Variants in EPHA3 observed in about 807,000 individuals in gnomAD.
EPHA3 encodes EPH receptor A3.
EPHA3 carries 42 observed loss-of-function variants against 107.1 expected under a neutral mutation model. The ratio of observed to expected loss-of-function variants is 0.39; its 90% CI spans 0.31 to 0.51. EPHA3 has a LOEUF of 0.51. Ranked by LOEUF, EPHA3 falls within the 20% of genes least tolerant of loss-of-function variation. EPHA3 has a pLI of 0.78. For synonymous variants in EPHA3, 461 were observed against 424.8 expected (o/e 1.09, Z -1.05); for missense variants, 1,183 against 1,211.2 (o/e 0.98, Z 0.35).
chr3:89,340,419 G>T (rs2107416111), intron 3 of EPHA3, among the ~76,000 whole-genome samples: 1 of 152,292 alleles, frequency 6.6e-6, no homozygotes, highest in Non-Finnish European at 1.5e-5. Flanking sequence ...TATTTATCAA[G>T]AATCTTAAAA....
At chr3:89,111,509 C>CA (rs1308127020) in intron 1 of EPHA3, among the ~76,000 whole-genome samples, 1 of 58,926 alleles carries the variant, frequency 1.7e-5, no homozygotes, top group Admixed American at 2.4e-4. Context: ...ACCCCTACAT[C>CA]CCCCCCCCAC....
intron 10 of EPHA3, among the ~76,000 whole-genome samples, chr3:89,414,806 T>C (rs1359237187): frequency 6.6e-6 from 1 of 151,592 alleles, no homozygotes; most frequent in Non-Finnish European, 1.5e-5. Context: ...AGCACACCAC[T>C]GAAAATAGCA....
intron 6 of EPHA3, among the ~76,000 whole-genome samples, chr3:89,397,733 G>A (rs189816084): frequency 0.011 from 1,719 of 152,146 alleles, 36 homozygotes; most frequent in African/African-American, 0.039. Context: ...ATAGGCATGC[G>A]CCACCATGCC....
chr3:89,275,973 T>G (rs1705795018), intron 3 of EPHA3, among the ~76,000 whole-genome samples: 1 of 152,032 alleles, frequency 6.6e-6, no homozygotes, highest in Admixed American at 6.6e-5. Flanking sequence ...TTTGGGGAGT[T>G]GCAGAAGGTG....
At chr3:89,308,278 A>G (rs531366833) in intron 3 of EPHA3, among the ~76,000 whole-genome samples, 1 of 152,200 alleles carries the variant, frequency 6.6e-6, no homozygotes, top group Admixed American at 6.5e-5. Flanking sequence ...GCTAAGTTGC[A>G]TGATACAAAC....
chr3:89,377,404 T>C (rs530666609), intron 5 of EPHA3, among the ~76,000 whole-genome samples: 1 of 152,250 alleles, frequency 6.6e-6, no homozygotes, highest in African/African-American at 2.4e-5. Flanking sequence ...CTTTTAGAGA[T>C]TAAACCAACC....
At chr3:89,473,591 T>C (rs1710449648) in intron 16 of EPHA3, among the ~76,000 whole-genome samples, 1 of 152,148 alleles carries the variant, frequency 6.6e-6, no homozygotes, top group African/African-American at 2.4e-5. Context: ...CCCATGCGCA[T>C]AGCTAAAAAC....
chr3:89,230,899 T>C (rs905303220), intron 3 of EPHA3, among the ~76,000 whole-genome samples: 3 of 151,776 alleles, frequency 2.0e-5, no homozygotes, highest in African/African-American at 7.3e-5. Context: ...TATTTCAGAC[T>C]ATGGGCTTTG....
intron 5 of EPHA3, among the ~76,000 whole-genome samples, chr3:89,377,432 C>A (rs1317689905): frequency 6.6e-6 from 1 of 152,080 alleles, no homozygotes; most frequent in Admixed American, 6.6e-5. Flanking sequence ...GCCAAAAATC[C>A]ATTTAACAGT....
chr3:89,112,772 T>C (rs1233174768), intron 1 of EPHA3, among the ~76,000 whole-genome samples: 1 of 151,976 alleles, frequency 6.6e-6, no homozygotes, highest in African/African-American at 2.4e-5. Flanking sequence ...AAAAAATCTG[T>C]GATCTGGGCT....
intron 2 of EPHA3, among the ~76,000 whole-genome samples, chr3:89,189,217 T>C (rs1240249149): frequency 6.6e-6 from 1 of 152,202 alleles, no homozygotes; most frequent in African/African-American, 2.4e-5. Context: ...TAATTGACAT[T>C]AAGTGGGATT....
intron 1 of EPHA3, among the ~76,000 whole-genome samples, chr3:89,112,736 G>A (rs1300546688): frequency 2.0e-5 from 3 of 150,904 alleles, no homozygotes; most frequent in African/African-American, 7.3e-5. Context: ...CATCAAACTC[G>A]ATAAGGTTTT....
intron 3 of EPHA3, among the ~76,000 whole-genome samples, chr3:89,326,106 T>G (rs1436618075): frequency 6.6e-6 from 1 of 151,360 alleles, no homozygotes; most frequent in African/African-American, 2.4e-5. Context: ...ATTATATATA[T>G]TATTATATGT....
chr3:89,111,508 TC>T (rs143096995), intron 1 of EPHA3, among the ~76,000 whole-genome samples: 70 of 129,006 alleles, frequency 5.4e-4, no homozygotes, highest in East Asian at 1.5e-3. Context: ...CACCCCTACA[TC>T]CCCCCCCCAC....
In EPHA3 at chr3:89,419,223, G is replaced by T. The variant is rs1242840680; in HGVS notation, c.1907G>T (p.Cys636Phe). 1.2e-6 allele frequency: 2 copies of T among 1,608,542 alleles called. No homozygotes were observed. The highest frequency in any genetic ancestry group is 1.1e-5 in the South Asian group (1 of 90,684). Residue 636 changes from cysteine to phenylalanine, a missense_variant, in exon 11 of 17, where the codon TGC becomes TTC. Transcript: ENST00000336596. ...ATAACAGGTGAATTTGGAGAGGTGT[G>T]CAGTGGTCGCTTAAAACTTCCTTCA... ...VVGAGEFGEV[C>F]SGRLKLPSKK...
chr3:89,479,401 A>G lies in EPHA3; in HGVS notation c.2851A>G (p.Met951Val). The G allele has an allele frequency of 2.5e-6, 4 of 1,613,544 alleles. 1 individual carries two copies. In the South Asian group the frequency reaches 3.3e-5, roughly 13 times the overall value. ...TATTGTTTTCTTTTTTTACAGTGAC[A>G]TGAAAAAGGTTGGTGTCACCGTGGT... ...DTIAKISTDDMKKVGVTVVGP... is the reference protein window; with the variant it reads ...DTIAKISTDDVKKVGVTVVGP... Residue 951 changes from methionine to valine, a missense_variant, in exon 17 of 17, where the codon ATG becomes GTG. Physicochemically the swap from Met to Val is conservative, Grantham distance 21 (BLOSUM62 1). Transcript: ENST00000336596.
chr3:89,472,955 G>A (rs1710436968), intron 16 of EPHA3, among the ~76,000 whole-genome samples: 1 of 152,240 alleles, frequency 6.6e-6, no homozygotes, highest in African/African-American at 2.4e-5. Flanking sequence ...ATAGATTGAT[G>A]ATTATTATAT....
At chr3:89,305,786 GC>G (rs1212688733) in intron 3 of EPHA3, among the ~76,000 whole-genome samples, 4 of 151,968 alleles carry the variant, frequency 2.6e-5, no homozygotes, top group Non-Finnish European at 5.9e-5. Context: ...AGACTACTTG[GC>G]CCTATTTTAT....
intron 3 of EPHA3, among the ~76,000 whole-genome samples, chr3:89,315,434 G>T (rs942029412): frequency 1.3e-5 from 2 of 151,662 alleles, no homozygotes; most frequent in Non-Finnish European, 2.9e-5. Context: ...CACCTTCAGG[G>T]ATTAATGAAA....
Sources: gnomAD v4.1 joint callset for allele counts (sites outside exome capture counted in the v4.1 genomes callset) on GRCh38, gnomAD v4.1.1 for gene constraint, MANE v1.5 for transcripts, NCBI Gene and HGNC (gene_info 2026-07-23, HGNC 2026-07-21) for gene names.